The following SPG7 variants were observed in gnomAD, a reference collection of about 807,000 sequenced individuals.
SPG7 encodes the protein mitochondrial inner membrane m-AAA protease component paraplegin.
SPG7 carries 103 observed loss-of-function variants against 81.9 expected under a neutral mutation model. The ratio of observed to expected loss-of-function variants is 1.26; its 90% CI spans 1.07 to 1.48. The LOEUF is 1.48. Ranked by LOEUF, SPG7 falls within the 40% of genes most tolerant of loss-of-function variation. The pLI, the probability that SPG7 is intolerant of heterozygous loss-of-function variation, is 0.00. For missense variants in SPG7, 1,241 were observed against 1,087.3 expected (o/e 1.14, Z -1.99); for synonymous variants, 534 against 444.2 (o/e 1.20, Z -2.54).
rs2058695658 is a variant in SPG7, at chr16:89,557,150, AC to A, written c.*60del. On this transcript the variant is annotated 3_prime_UTR_variant, in exon 17 of 17. Transcript: ENST00000645818. ...CCGGGAAGTGAGGGCTCACTCAGCC[AC>A]CCTGAGTTGCTTTTCAGCTGAGGTT... The A allele has an allele frequency of 4.3e-6, 6 of 1,382,716 alleles. No homozygotes were observed. Among genetic ancestry groups the A allele is most frequent in the South Asian group, 1.2e-5 (1 of 85,010 alleles). 85.7% of individuals were successfully genotyped at this position (1,382,716 alleles called of 1,614,324 possible).
In SPG7 at chr16:89,524,192, A is replaced by T; in HGVS notation, c.563A>T (p.Glu188Val). Residue 188 changes from glutamate (E) to valine (V), a missense_variant, in exon 4 of 17, where the codon GAG becomes GTG. Transcript: ENST00000645818. Reference sequence around the variant, plus strand: ...GTGCAGCGCGTCCAGGTGGTGCCTGAGAGCGACGTGGTGGAAGTCTACCTG... The same window carrying T: ...GTGCAGCGCGTCCAGGTGGTGCCTGTGAGCGACGTGGTGGAAGTCTACCTG... ...GEVQRVQVVP[E>V]SDVVEVYLHP... The T allele has an allele frequency of 6.2e-7, 1 of 1,613,890 alleles. No individual in the cohort carries two copies. Among genetic ancestry groups the T allele is most frequent in the Non-Finnish European group, 8.5e-7 (1 of 1,179,992 alleles).
chr16:89,532,653 C>T lies in SPG7; in HGVS notation c.1324+17C>T. The T allele has an allele frequency of 6.2e-7, 1 of 1,612,764 alleles. No homozygotes were observed. The highest frequency in any genetic ancestry group is 8.5e-7 in the Non-Finnish European group (1 of 1,179,972). On this transcript the variant is annotated intron_variant, in intron 9 of 16. Transcript: ENST00000645818. ...AAATGGATGGTCAGTGCTCGTGCGCCCCGCACCCCCATTGCACCATCAGAG... is the reference window on the plus strand; with the variant it reads ...AAATGGATGGTCAGTGCTCGTGCGCTCCGCACCCCCATTGCACCATCAGAG...
In SPG7 at chr16:89,525,235, C is replaced by T. The variant is rs558870446; in HGVS notation, c.618+988C>T. Among the ~76,000 whole-genome samples the T allele has an allele frequency of 2.6e-5, 4 of 152,236 alleles. No individual in the cohort carries two copies. The South Asian group carries it at 6.2e-4, about 24-fold the overall frequency. On this transcript the variant is annotated intron_variant, in intron 4 of 16. Transcript: ENST00000645818. ...CTTACACCTTGGCCTTCCAAAGTGC[C>T]AGATCACAGGCGTCAGCCACCACGC... is the stretch of plus-strand genomic sequence containing the variant.
At chr16:89,535,490 GTC>G (rs1272369155) in intron 9 of SPG7, among the ~76,000 whole-genome samples, 2 of 152,230 alleles carry the variant, frequency 1.3e-5, no homozygotes, top group African/African-American at 4.8e-5. Context: ...GTCTCCAGTC[GTC>G]TCTCAACACG....
intron 10 of SPG7, 165 bp from the exon 11 acceptor site, chr16:89,546,493 C>G: frequency 1.5e-6 from 1 of 663,278 alleles, no homozygotes; most frequent in Non-Finnish European, 2.8e-6. Context: ...GCCTAGCCAA[C>G]TTTGCGAAAC....
At chr16:89,509,086 T>C (rs2057975864) in intron 1 of SPG7, 18 of 405,776 alleles carry the variant, frequency 4.4e-5, no homozygotes, top group South Asian at 3.1e-4. Context: ...CGGCACGTTA[T>C]TGATACAGTC....
At chr16:89,551,047 G>T in intron 13 of SPG7, 2 of 258,044 alleles carry the variant, frequency 7.8e-6, no homozygotes, top group East Asian at 8.9e-5. Context: ...TGGCCAACAG[G>T]GCAAAACTGT....
chr16:89,555,702 T>C (rs960154514), intron 16 of SPG7: 2 of 396,512 alleles, frequency 5.0e-6, no homozygotes, highest in Non-Finnish European at 8.9e-6. Flanking sequence ...TCAGTTGCGA[T>C]TGTCTGATGT....
rs943431514 is a variant in SPG7 at position 89,520,511 on chromosome 16, G to A, written c.377-3495G>A. On this transcript the variant is annotated intron_variant, in intron 3 of 16. Coordinates refer to ENST00000645818, the MANE Select transcript of SPG7 (RefSeq NM_003119.4). The stretch of plus-strand genomic sequence containing the variant: ...CGCCATGTTTAAGCGATTCTCCTGC[G>A]TTAGCCTCCCTAGTAGCTGGGCTTA... 5.8e-5 allele frequency: 9 copies of A among 155,332 alleles called. No individual in the cohort carries two copies. The South Asian group carries it at 8.8e-4, about 15-fold the overall frequency. The allele number at this position is 155,332 out of a possible 1,614,324, so 9.6% of individuals were successfully genotyped here.
At chr16:89,548,576 T>TCGGTG in intron 12 of SPG7, 1 of 316,786 alleles carries the variant, frequency 3.2e-6, no homozygotes, top group South Asian at 2.6e-5. Context: ...GGTGTGGATC[T>TCGGTG]GCAGCACCAC....
intron 5 of SPG7, chr16:89,528,910 C>G (rs1052402080): frequency 1.1e-5 from 2 of 181,124 alleles, no homozygotes; most frequent in Non-Finnish European, 2.4e-5. Flanking sequence ...CTCCTAGGTT[C>G]AAGCATTTCT....
intron 12 of SPG7, chr16:89,549,626 C>T (rs183792656): frequency 4.5e-6 from 1 of 220,028 alleles, no homozygotes; most frequent in East Asian, 1.2e-4. Flanking sequence ...CGTGATCGCA[C>T]CACTGCCCTC....
intron 10 of SPG7, chr16:89,545,048 C>G: frequency 2.0e-6 from 1 of 502,798 alleles, no homozygotes; most frequent in South Asian, 2.0e-5. Context: ...CAGTTCTGTT[C>G]ACCTGCTATT....
chr16:89,533,252 C>T (rs920691360), intron 9 of SPG7: 1 of 153,730 alleles, frequency 6.5e-6, no homozygotes, highest in African/African-American at 2.4e-5. Flanking sequence ...ACTGCAGGCT[C>T]TGTCTCCCGG....
At position 89,513,119 on chromosome 16, in the gene SPG7, C is replaced by T. The variant is rs917534011; in HGVS notation, c.376+82C>T. 9 of 1,533,086 alleles carry T rather than the reference C, an allele frequency of 5.9e-6. 1 individual carries two copies. The African/African-American group carries it at 1.2e-4, about 21-fold the overall frequency. The allele number at this position is 1,533,086 out of a possible 1,614,324, so 95.0% of individuals were successfully genotyped here. A position where few individuals can be genotyped will look rare whatever the true frequency, so the allele number is the denominator to read the frequency against. On this transcript the variant is annotated intron_variant, in intron 3 of 16. Coordinates refer to ENST00000645818, the MANE Select transcript of SPG7 (RefSeq NM_003119.4). ...TGTTTTCCTTTTAGCAAGGTGAAAC[C>T]AGTCTGGAAAATGGGGAGATGGGCC...
chr16:89,534,242 T>C (rs1005034952), intron 9 of SPG7, among the ~76,000 whole-genome samples: 9 of 152,184 alleles, frequency 5.9e-5, no homozygotes, highest in African/African-American at 2.2e-4. Context: ...CCTCATAGAA[T>C]TGGAGTCCTA....
intron 16 of SPG7, chr16:89,555,528 A>G (rs74471968): frequency 0.025 from 4,982 of 200,346 alleles, 260 homozygotes; most frequent in African/African-American, 0.11. Context: ...CACGTGATTC[A>G]GATGTGCTGA....
In SPG7 at chr16:89,526,322, C is replaced by A. The variant is rs779835775; in HGVS notation, c.619-7C>A. ...TCTCATGGTCCCCTCTCCTTTCTGC[C>A]CCCCAGCGGCTAGCCTTGATGTACC... On this transcript the variant is annotated splice_polypyrimidine_tract_variant and splice_region_variant and intron_variant, in intron 4 of 16. Transcript: ENST00000645818. 1.9e-6 allele frequency: 3 copies of A among 1,613,784 alleles called. No homozygotes were observed. The African/African-American group carries it at 4.0e-5, about 22-fold the overall frequency.
chr16:89,552,813 G>C, intron 13 of SPG7, 166 bp from the exon 14 acceptor site: 1 of 682,884 alleles, frequency 1.5e-6, no homozygotes. Context: ...CTGTCTCTGG[G>C]CTGGCCATCT....
Sources: allele counts gnomAD v4.1 joint callset (sites outside exome capture counted in the v4.1 genomes callset), GRCh38; gene constraint gnomAD v4.1.1; transcripts MANE v1.5; gene names NCBI Gene and HGNC (gene_info 2026-07-23, HGNC 2026-07-21).